Variants in TPGS2 observed in about 807,000 individuals in gnomAD.
TPGS2 encodes the protein tubulin polyglutamylase complex subunit 2.
TPGS2 carries 26 observed loss-of-function variants against 31.1 expected under a neutral mutation model. The ratio of observed to expected loss-of-function variants is 0.84; its 90% CI spans 0.61 to 1.16. The LOEUF (loss-of-function observed/expected upper bound fraction) is 1.16, where lower values mean the gene tolerates loss of function less well. TPGS2 is among the 50% of genes most tolerant of loss of function. TPGS2 has a pLI of 0.00. For missense variants in TPGS2, 351 were observed against 363.8 expected, an observed-to-expected ratio of 0.96 and a Z score of 0.29; for synonymous variants, 130 against 136.6, an observed-to-expected ratio of 0.95 and a Z score of 0.34.
intron 1 of TPGS2, among the ~76,000 whole-genome samples, chr18:36,824,471 C>T (rs898244722): frequency 4.6e-5 from 7 of 152,206 alleles, no homozygotes; most frequent in Non-Finnish European, 7.3e-5. Flanking sequence ...AGCTGCCGTA[C>T]CATTTTACAT....
chr18:36,822,878 C>T (rs923358782), intron 1 of TPGS2, among the ~76,000 whole-genome samples: 2 of 152,222 alleles, frequency 1.3e-5, no homozygotes, highest in Non-Finnish European at 2.9e-5. Flanking sequence ...TGATTACAGG[C>T]ATGAGCCGCA....
Position 36,796,367 on chromosome 18 carries a change from A to G in TPGS2, c.*438T>C, listed in dbSNP as rs2044525311. 1.0e-6 allele frequency: 1 copy of G among 979,026 alleles called. No individual in the cohort carries two copies. The highest frequency in any genetic ancestry group is 6.1e-5 in the Admixed American group (1 of 16,340). The allele number at this position is 979,026 out of a possible 1,614,324, so 60.6% of individuals were successfully genotyped here. ...GAATACTCAAAATGTGGCTAATGCA[A>G]TTGAAGAAATGAATTTTTCATACAA... is the stretch of plus-strand genomic sequence containing the variant. On this transcript the variant is annotated 3_prime_UTR_variant, in exon 7 of 7. Coordinates refer to ENST00000334295, the MANE Select transcript of TPGS2 (RefSeq NM_015476.4).
chr18:36,815,138 G>A (rs2045596652), intron 2 of TPGS2, among the ~76,000 whole-genome samples: 1 of 152,170 alleles, frequency 6.6e-6, no homozygotes, highest in Admixed American at 6.5e-5. Flanking sequence ...TAGAGAAGTA[G>A]GAATTATCAG....
In TPGS2 at chr18:36,796,668, C is replaced by A; in HGVS notation, c.*137G>T. Reference sequence around the variant, plus strand: ...ACGAGCCTGGCTAATGTCGGTGGGACTAAAAGCCTTACAATTTTGGTCATT... The same window carrying A: ...ACGAGCCTGGCTAATGTCGGTGGGAATAAAAGCCTTACAATTTTGGTCATT... On this transcript the variant is annotated 3_prime_UTR_variant, in exon 7 of 7. Transcript: ENST00000334295. 6.9e-7 allele frequency: 1 copy of A among 1,441,064 alleles called. No homozygotes were observed. The highest frequency in any genetic ancestry group is 3.0e-5 in the Admixed American group (1 of 32,820). 89.3% of individuals were successfully genotyped at this position (1,441,064 alleles called of 1,614,324 possible). A position where few individuals can be genotyped will look rare whatever the true frequency, so the allele number is the denominator to read the frequency against.
At chr18:36,792,490 T>C (rs1315226732), downstream of TPGS2, among the ~76,000 whole-genome samples, 1 of 152,216 alleles carries the variant, frequency 6.6e-6, no homozygotes, top group African/African-American at 2.4e-5. Flanking sequence ...ATTCTAGTCA[T>C]TATATATGCT....
downstream of TPGS2, among the ~76,000 whole-genome samples, chr18:36,793,539 T>C (rs2044387601): frequency 6.6e-6 from 1 of 152,196 alleles, no homozygotes; most frequent in South Asian, 2.1e-4. Context: ...TTTACTCATA[T>C]ACATTCCTGT....
In TPGS2 at chr18:36,818,967, G is replaced by A. The variant is rs745585594; in HGVS notation, c.92C>T (p.Ser31Phe). The A allele has an allele frequency of 1.2e-6, 2 of 1,612,580 alleles. No homozygotes were observed. Among genetic ancestry groups the A allele is most frequent in the Non-Finnish European group, 1.7e-6 (2 of 1,179,226 alleles). ...TLGITRILESSPGVTEVTIIE... is the reference protein window; with the variant it reads ...TLGITRILESFPGVTEVTIIE... ...GATGGTCACCTCAGTCACACCTGGG[G>A]AAGATTCTGGAAGAGAAAAAAGAGT... Residue 31 changes from serine to phenylalanine, a missense_variant, in exon 2 of 7, where the codon TCC becomes TTC. Ser to Phe is a radical substitution (Grantham distance 155, BLOSUM62 -2). Transcript: ENST00000334295.
At chr18:36,824,007 A>G (rs1424404000) in intron 1 of TPGS2, 1 of 356,162 alleles carries the variant, frequency 2.8e-6, no homozygotes, top group Non-Finnish European at 3.9e-6. Flanking sequence ...CTTTCCCCCA[A>G]AAGAAACCCA....
At chr18:36,801,082 T>C (rs772972150) in intron 4 of TPGS2, among the ~76,000 whole-genome samples, 19 of 152,226 alleles carry the variant, frequency 1.2e-4, no homozygotes, top group Non-Finnish European at 2.6e-4. Flanking sequence ...TGACGTACCC[T>C]CATTTATTCC....
chr18:36,789,375 ATAAC>A (rs1343228094), downstream of TPGS2: 2 of 152,222 alleles, frequency 1.3e-5, no homozygotes, highest in Non-Finnish European at 2.9e-5. Flanking sequence ...TGTTCTATAT[ATAAC>A]TAATATGGTA....
intron 6 of TPGS2, among the ~76,000 whole-genome samples, chr18:36,785,026 G>A (rs2044096675): frequency 6.6e-6 from 1 of 152,084 alleles, no homozygotes; most frequent in Admixed American, 6.5e-5. Context: ...GGTCAGGCGT[G>A]GTGGCTCATG....
chr18:36,819,039 G>T, intron 1 of TPGS2, 66 bp from the exon 2 acceptor site: 1 of 1,307,078 alleles, frequency 7.7e-7, no homozygotes, highest in Non-Finnish European at 1.1e-6. Flanking sequence ...TACGCTAGTT[G>T]TTGACTAACT....
At chr18:36,781,899 TTA>T, downstream of TPGS2, 1 of 985,382 alleles carries the variant, frequency 1.0e-6, no homozygotes, top group Non-Finnish European at 1.2e-6. Context: ...GGTCTGTACA[TTA>T]TAGACGGTTG....
At chr18:36,818,279 A>T (rs1236492828) in intron 2 of TPGS2, among the ~76,000 whole-genome samples, 1 of 152,144 alleles carries the variant, frequency 6.6e-6, no homozygotes, top group Non-Finnish European at 1.5e-5. Flanking sequence ...CACAGTACTC[A>T]GGCCAGTTAG....
chr18:36,802,486 AT>A (rs573128227), intron 4 of TPGS2, among the ~76,000 whole-genome samples: 40 of 147,202 alleles, frequency 2.7e-4, no homozygotes, highest in East Asian at 5.9e-4. Context: ...CAATATACGA[AT>A]TTTTTTTTTT....
At chr18:36,784,546 A>C (rs1270354820) in intron 6 of TPGS2, among the ~76,000 whole-genome samples, 1 of 152,250 alleles carries the variant, frequency 6.6e-6, no homozygotes, top group Non-Finnish European at 1.5e-5. Flanking sequence ...TTGTCAAAAA[A>C]GGTGGTCTAT....
intron 1 of TPGS2, among the ~76,000 whole-genome samples, chr18:36,826,899 A>C (rs574794509): frequency 6.6e-6 from 1 of 152,266 alleles, no homozygotes; most frequent in South Asian, 2.1e-4. Context: ...TTCTATCTCT[A>C]TCCCATCCTA....
chr18:36,825,356 C>T (rs150056816), intron 1 of TPGS2, among the ~76,000 whole-genome samples: 1,576 of 149,256 alleles, frequency 0.011, 33 homozygotes, highest in African/African-American at 0.037. Context: ...GGCTAGAACC[C>T]GGGAGGCGGA....
In TPGS2 at chr18:36,795,397, C is replaced by T; in HGVS notation, c.*1408G>A. ...CTGAAGTGTGCAGATGGTAGAGGCC[C>T]CTGCACCTCATTCCTCAAAACTCCT... On this transcript the variant is annotated 3_prime_UTR_variant, in exon 7 of 7. Transcript: ENST00000334295. 2.1e-5 allele frequency: 21 copies of T among 985,296 alleles called. No individual in the cohort carries two copies. Among genetic ancestry groups the T allele is most frequent in the Non-Finnish European group, 2.5e-5 (21 of 829,920 alleles). The allele number at this position is 985,296 out of a possible 1,614,324, so 61.0% of individuals were successfully genotyped here.
Sources: allele counts gnomAD v4.1 joint callset (sites outside exome capture counted in the v4.1 genomes callset), GRCh38; gene constraint gnomAD v4.1.1; transcripts MANE v1.5; gene names NCBI Gene and HGNC (gene_info 2026-07-23, HGNC 2026-07-21).